The following SCHIP1 variants were observed in gnomAD, a reference collection of about 807,000 sequenced individuals.
SCHIP1 encodes schwannomin-interacting protein 1.
Under a neutral mutation model 29.7 loss-of-function variants are expected in SCHIP1, and 8 were observed. The ratio of observed to expected loss-of-function variants is 0.27; its 90% CI spans 0.16 to 0.49. SCHIP1 has a LOEUF of 0.49. Among genes scored for constraint, SCHIP1 ranks in the 20% least tolerant of loss-of-function variants. The pLI is 0.99. For synonymous variants in SCHIP1, 76 were observed against 94.9 expected (o/e 0.80, Z 1.16); for missense variants, 193 against 294.6 (o/e 0.66, Z 2.52).
chr3:159,696,350 T>G, the SCHIP1 span, among the ~76,000 whole-genome samples: 1 of 152,124 alleles, frequency 6.6e-6, no homozygotes, highest in African/African-American at 2.4e-5. Flanking sequence ...TGGAATGCCC[T>G]TCTTTCTGTG....
the SCHIP1 span, among the ~76,000 whole-genome samples, chr3:159,284,581 C>A: frequency 6.6e-6 from 1 of 152,028 alleles, no homozygotes; most frequent in Non-Finnish European, 1.5e-5. Flanking sequence ...CTCTGCTTCC[C>A]GGGTTAAAAC....
chr3:159,542,912 G>A, the SCHIP1 span, among the ~76,000 whole-genome samples: 1 of 151,980 alleles, frequency 6.6e-6, no homozygotes, highest in African/African-American at 2.4e-5. Flanking sequence ...ATTAATAAAA[G>A]CAATGGACCC....
the SCHIP1 span, chr3:159,273,715 AC>A: frequency 6.6e-7 from 1 of 1,516,048 alleles, no homozygotes; most frequent in Non-Finnish European, 8.8e-7. Flanking sequence ...AATTTTTTAG[AC>A]AACCTTACTA....
the SCHIP1 span, among the ~76,000 whole-genome samples, chr3:159,336,105 C>T: frequency 6.6e-6 from 1 of 152,168 alleles, no homozygotes; most frequent in South Asian, 2.1e-4. Flanking sequence ...TGATGATGAG[C>T]ATTTTTTCAT....
chr3:159,440,980 AGTT>A, the SCHIP1 span, among the ~76,000 whole-genome samples: 2 of 152,206 alleles, frequency 1.3e-5, no homozygotes, highest in Non-Finnish European at 2.9e-5. Context: ...GAGACAAGAA[AGTT>A]GTTATCTTTG....
chr3:159,372,992 CA>C, the SCHIP1 span, among the ~76,000 whole-genome samples: 1 of 151,770 alleles, frequency 6.6e-6, no homozygotes, highest in Non-Finnish European at 1.5e-5. Flanking sequence ...CAATAGAGCA[CA>C]AAAATAACTT....
the SCHIP1 span, chr3:159,722,393 T>C: frequency 6.5e-6 from 1 of 153,096 alleles, no homozygotes; most frequent in African/African-American, 2.4e-5. Flanking sequence ...CTTCTCTTTC[T>C]ATCTTATAGA....
chr3:159,771,311 AGACT>A, the SCHIP1 span, among the ~76,000 whole-genome samples: 1 of 152,208 alleles, frequency 6.6e-6, no homozygotes, highest in Non-Finnish European at 1.5e-5. Context: ...CTGTTTTTGT[AGACT>A]GAATTAAGAT....
the SCHIP1 span, among the ~76,000 whole-genome samples, chr3:159,499,878 C>T: frequency 6.6e-6 from 1 of 152,180 alleles, no homozygotes; most frequent in Non-Finnish European, 1.5e-5. Flanking sequence ...AGGTTTATTC[C>T]GTAGTCCGGT....
chr3:159,470,520 T>C, the SCHIP1 span, among the ~76,000 whole-genome samples: 1 of 152,142 alleles, frequency 6.6e-6, no homozygotes, highest in Non-Finnish European at 1.5e-5. Flanking sequence ...ATGGGCCCAG[T>C]AATAATCTCA....
At chr3:159,822,665 C>T in the SCHIP1 span, among the ~76,000 whole-genome samples, 1 of 140,664 alleles carries the variant, frequency 7.1e-6, no homozygotes, top group East Asian at 2.6e-4. Context: ...CTTCCAATGG[C>T]AAAAACCGCA....
chr3:159,560,357 C>T, the SCHIP1 span, among the ~76,000 whole-genome samples: 7 of 152,240 alleles, frequency 4.6e-5, no homozygotes, highest in South Asian at 1.0e-3. Flanking sequence ...TAATGGCTTA[C>T]GAGAGTGAAT....
the SCHIP1 span, among the ~76,000 whole-genome samples, chr3:159,515,356 C>A: frequency 1.3e-5 from 2 of 152,244 alleles, no homozygotes; most frequent in East Asian, 3.9e-4. Flanking sequence ...TGAATAAATC[C>A]ATGAATAAAG....
chr3:159,527,873 G>A, the SCHIP1 span, among the ~76,000 whole-genome samples: 1 of 152,116 alleles, frequency 6.6e-6, no homozygotes, highest in Admixed American at 6.5e-5. Flanking sequence ...GTGTTATGTT[G>A]CAAATCCTCA....
chr3:159,456,317 A>AT, the SCHIP1 span, among the ~76,000 whole-genome samples: 23,720 of 152,204 alleles, frequency 0.16, 1,965 homozygotes, highest in Non-Finnish European at 0.17. Context: ...TGTTGAGGGA[A>AT]TGATGGAATA....
the SCHIP1 span, among the ~76,000 whole-genome samples, chr3:159,527,144 A>T: frequency 6.6e-6 from 1 of 152,258 alleles, no homozygotes; most frequent in African/African-American, 2.4e-5. Flanking sequence ...ACTTTCTGAG[A>T]TGTTCTCTTG....
At chr3:159,678,650 A>T in the SCHIP1 span, among the ~76,000 whole-genome samples, 1 of 152,360 alleles carries the variant, frequency 6.6e-6, no homozygotes, top group South Asian at 2.1e-4. Flanking sequence ...CACTAGCTGG[A>T]AAAGTAGAAG....
chr3:159,725,173 TC>T, the SCHIP1 span, among the ~76,000 whole-genome samples: 2 of 152,284 alleles, frequency 1.3e-5, no homozygotes, highest in Middle Eastern at 6.8e-3. Flanking sequence ...CCAAGATACC[TC>T]TGTTTCCATC....
chr3:159,680,701 TATATTATATATA>T, the SCHIP1 span, among the ~76,000 whole-genome samples: 1 of 19,030 alleles, frequency 5.3e-5, no homozygotes, highest in Non-Finnish European at 8.4e-5. Flanking sequence ...ATATATAATA[TATATTATATATA>T]ATATATGTAT....
Sources: gnomAD v4.1 joint callset for allele counts (sites outside exome capture counted in the v4.1 genomes callset) on GRCh38, gnomAD v4.1.1 for gene constraint, MANE v1.5 for transcripts, NCBI Gene and HGNC (gene_info 2026-07-23, HGNC 2026-07-21) for gene names.